Variants in EBPL observed in about 807,000 individuals in gnomAD.
EBPL encodes the protein EBP like, also known as emopamil-binding protein-like.
Under a neutral mutation model 19.0 loss-of-function variants are expected in EBPL, and 20 were observed. The observed-to-expected ratio is 1.05, with a 90% CI of 0.74 to 1.53. EBPL has a LOEUF of 1.53. EBPL is among the 40% of genes most tolerant of loss of function. EBPL has a pLI of 0.00. For missense variants in EBPL, 219 were observed against 261.1 expected (o/e 0.84, Z 1.11); for synonymous variants, 107 against 117.0 (o/e 0.91, Z 0.55).
At chr13:49,664,188 G>T (rs1331393365) in intron 2 of EBPL, among the ~76,000 whole-genome samples, 1 of 151,636 alleles carries the variant, frequency 6.6e-6, no homozygotes, top group Admixed American at 6.6e-5. Context: ...GGAGGCGGAG[G>T]TTGCAGTGAA....
chr13:49,690,984 C>T (rs1279452979), intron 1 of EBPL, among the ~76,000 whole-genome samples: 1 of 152,226 alleles, frequency 6.6e-6, no homozygotes, highest in African/African-American at 2.4e-5. Flanking sequence ...GCTGAGGTAT[C>T]TTCTAAACTA....
chr13:49,675,866 T>G (rs7326633), intron 1 of EBPL, among the ~76,000 whole-genome samples: 27,902 of 142,518 alleles, frequency 0.2, 3,221 homozygotes, highest in Non-Finnish European at 0.27. Context: ...GTTATTTTCC[T>G]TTGTTGTTAT....
intron 3 of EBPL, among the ~76,000 whole-genome samples, 200 bp from the exon 4 acceptor site, chr13:49,661,408 G>A (rs920358352): frequency 6.6e-6 from 1 of 152,136 alleles, no homozygotes; most frequent in African/African-American, 2.4e-5. Context: ...TTCCTTAGAG[G>A]AGCAACACTG....
At chr13:49,667,052 G>C (rs1039635733) in intron 2 of EBPL, among the ~76,000 whole-genome samples, 1 of 152,164 alleles carries the variant, frequency 6.6e-6, no homozygotes, top group African/African-American at 2.4e-5. Context: ...TCTACAGACA[G>C]TTTAGCAGAG....
In EBPL at chr13:49,669,830, T is replaced by A; in HGVS notation, c.188A>T (p.Tyr63Phe). The change falls in exon 2 of 4, where the codon TAC becomes TTC. Residue 63 changes from tyrosine to phenylalanine, a missense_variant. Physicochemically the swap from Tyr to Phe is conservative, Grantham distance 22 (BLOSUM62 3). This residue lies in a region of EBPL where 170 missense variants were observed against 167.0 expected (regional missense o/e 1.02). Coordinates refer to ENST00000242827, the MANE Select transcript of EBPL (RefSeq NM_032565.5). ...VHFALEGPFV[Y>F]LSLVGNVANS... Reference sequence around the variant, plus strand: ...TGCAACGTTTCCTACTAAAGACAAGTAGACAAAAGGGCCTTCCTAGAGAGG... The same window carrying A: ...TGCAACGTTTCCTACTAAAGACAAGAAGACAAAAGGGCCTTCCTAGAGAGG... 6.2e-7 allele frequency: 1 copy of A among 1,613,906 alleles called. No individual in the cohort carries two copies. The highest frequency in any genetic ancestry group is 8.5e-7 in the Non-Finnish European group (1 of 1,179,842).
rs1953957136 is a variant in EBPL, at chr13:49,682,927, C to T, written c.171+8327G>A. Among the ~76,000 whole-genome samples, 5 of 152,088 alleles carry T rather than the reference C, an allele frequency of 3.3e-5. No homozygotes were observed. In the South Asian group the frequency reaches 1.0e-3, roughly 32 times the overall value. ...CTCCTTGGATGATGGTCAGACTCCA[C>T]CTAGAACCGTGTTTAGGAACTGATA... On this transcript the variant is annotated intron_variant, in intron 1 of 3. Coordinates refer to ENST00000242827, the MANE Select transcript of EBPL (RefSeq NM_032565.5).
intron 1 of EBPL, among the ~76,000 whole-genome samples, chr13:49,689,505 C>T (rs902575468): frequency 6.6e-6 from 1 of 152,122 alleles, no homozygotes; most frequent in Non-Finnish European, 1.5e-5. Flanking sequence ...ACCGTCACCA[C>T]ACCTGGCTAA....
At chr13:49,679,284 T>G (rs1453859233) in intron 1 of EBPL, among the ~76,000 whole-genome samples, 1 of 152,194 alleles carries the variant, frequency 6.6e-6, no homozygotes, top group Non-Finnish European at 1.5e-5. Flanking sequence ...TGGAAGGTTA[T>G]CAGCTCCAAA....
At chr13:49,688,375 C>T (rs1249219042) in intron 1 of EBPL, among the ~76,000 whole-genome samples, 5 of 152,124 alleles carry the variant, frequency 3.3e-5, no homozygotes, top group South Asian at 2.1e-4. Flanking sequence ...AACAGGATAG[C>T]TTTCAATTTG....
intron 1 of EBPL, among the ~76,000 whole-genome samples, chr13:49,680,074 T>C (rs1418104084): frequency 1.3e-5 from 2 of 152,060 alleles, no homozygotes; most frequent in Non-Finnish European, 2.9e-5. Context: ...GTAGTGTCTG[T>C]CAGCAGAGGG....
chr13:49,673,753 A>G (rs1282435404), intron 1 of EBPL, among the ~76,000 whole-genome samples: 3 of 152,132 alleles, frequency 2.0e-5, no homozygotes, highest in African/African-American at 7.2e-5. Flanking sequence ...TTACATTTAT[A>G]TAACATTTTT....
chr13:49,682,264 T>C (rs1350407213), intron 1 of EBPL, among the ~76,000 whole-genome samples: 2 of 152,216 alleles, frequency 1.3e-5, no homozygotes, highest in Non-Finnish European at 2.9e-5. Context: ...CATGGCAGTA[T>C]ACTGTTTGAT....
At chr13:49,673,205 A>G (rs1033037541) in intron 1 of EBPL, among the ~76,000 whole-genome samples, 10 of 152,238 alleles carry the variant, frequency 6.6e-5, no homozygotes, top group Non-Finnish European at 1.5e-4. Context: ...GAAGCGATAC[A>G]GCCACTAAAA....
intron 2 of EBPL, among the ~76,000 whole-genome samples, chr13:49,667,745 A>G (rs1953754586): frequency 6.6e-6 from 1 of 152,204 alleles, no homozygotes; most frequent in Admixed American, 6.5e-5. Flanking sequence ...TCAGCCTCCC[A>G]AGTAGCTGGG....
chr13:49,690,446 T>G, intron 1 of EBPL, among the ~76,000 whole-genome samples: 1 of 147,180 alleles, frequency 6.8e-6, no homozygotes. Context: ...AACTGATACT[T>G]GGGCATAGTT....
At chr13:49,672,598 C>T (rs1463398697) in intron 1 of EBPL, among the ~76,000 whole-genome samples, 1 of 152,000 alleles carries the variant, frequency 6.6e-6, no homozygotes, top group Non-Finnish European at 1.5e-5. Flanking sequence ...ATAATAATAA[C>T]AATAATAATA....
intron 1 of EBPL, among the ~76,000 whole-genome samples, chr13:49,672,254 G>A (rs910425223): frequency 2.0e-5 from 3 of 152,182 alleles, no homozygotes; most frequent in African/African-American, 7.2e-5. Flanking sequence ...CCCTGAAGAG[G>A]CTTTTAGACT....
intron 1 of EBPL, among the ~76,000 whole-genome samples, chr13:49,672,873 C>T (rs142631540): frequency 2.0e-3 from 301 of 152,254 alleles, no homozygotes; most frequent in Non-Finnish European, 3.4e-3. Flanking sequence ...GCCTGGCCAA[C>T]ATGGTGAAAC....
At chr13:49,662,643 T>TA (rs1491419547) in intron 3 of EBPL, among the ~76,000 whole-genome samples, 1 of 142,944 alleles carries the variant, frequency 7.0e-6, no homozygotes, top group Non-Finnish European at 1.5e-5. Context: ...TCTCTTCTGC[T>TA]TTTTTTTTTT....
Sources: allele counts gnomAD v4.1 joint callset (sites outside exome capture counted in the v4.1 genomes callset), GRCh38; gene constraint gnomAD v4.1.1; regional missense constraint gnomAD v4.1.1; transcripts MANE v1.5; gene names NCBI Gene and HGNC (gene_info 2026-07-23, HGNC 2026-07-21).